Variants in DNAJB13 observed in about 807,000 individuals in gnomAD.
The protein encoded by DNAJB13 is DnaJ heat shock protein family (Hsp40) member B13, also known as dnaJ homolog subfamily B member 13.
In DNAJB13, 22 loss-of-function variants were observed where a neutral mutation model predicts 35.6. The observed-to-expected ratio is 0.62, with a 90% CI of 0.44 to 0.88. The LOEUF (loss-of-function observed/expected upper bound fraction) is 0.88. Ranked by LOEUF, DNAJB13 falls within the 40% of genes least tolerant of loss-of-function variation. The pLI, the probability that DNAJB13 is intolerant of heterozygous loss-of-function variation, is 0.00. For synonymous variants in DNAJB13, 136 were observed against 144.2 expected, an observed-to-expected ratio of 0.94 and a Z score of 0.41; for missense variants, 370 against 384.3, an observed-to-expected ratio of 0.96 and a Z score of 0.31.
intron 5 of DNAJB13, 115 bp downstream of exon 5, chr11:73,966,366 C>T (rs1951116216): frequency 1.1e-6 from 1 of 929,198 alleles, no homozygotes; most frequent in African/African-American, 1.6e-5. Context: ...GAGCCTTGGT[C>T]TGTAGAGAGC....
intron 1 of DNAJB13, among the ~76,000 whole-genome samples, chr11:73,956,342 A>G (rs1191610770): frequency 2.0e-5 from 3 of 152,154 alleles, no homozygotes; most frequent in Admixed American, 6.6e-5. Context: ...GGAGCTGCAG[A>G]GGGGTGAGTC....
chr11:73,958,855 C>T (rs990790232), intron 2 of DNAJB13, among the ~76,000 whole-genome samples: 1 of 152,138 alleles, frequency 6.6e-6, no homozygotes, highest in African/African-American at 2.4e-5. Context: ...TAGGAAGAGG[C>T]AGAGAAAGGC....
In DNAJB13 at chr11:73,970,161, C is replaced by A. The variant is rs777491630; in HGVS notation, c.*47C>A. 3.9e-6 allele frequency: 6 copies of A among 1,535,378 alleles called. No homozygotes were observed. The Admixed American group carries it at 5.6e-5, about 14-fold the overall frequency. ...GTGAGAGGAGGCTAGCCGGGCCTCA[C>A]CCCACCCCTACCCGCCACAGCCTCA... On this transcript the variant is annotated 3_prime_UTR_variant, in exon 8 of 8. Transcript: ENST00000339764.
chr11:73,967,285 C>T (rs1373757457), intron 5 of DNAJB13, among the ~76,000 whole-genome samples: 1 of 152,134 alleles, frequency 6.6e-6, no homozygotes, highest in Non-Finnish European at 1.5e-5. Context: ...TGTGAGCCAC[C>T]GTGCCTGGCC....
intron 3 of DNAJB13, among the ~76,000 whole-genome samples, chr11:73,963,471 C>A (rs963172804): frequency 6.6e-6 from 1 of 152,210 alleles, no homozygotes; most frequent in African/African-American, 2.4e-5. Flanking sequence ...GGGCATCGCT[C>A]ATTGGGAAAG....
intron 1 of DNAJB13, 85 bp from the exon 2 acceptor site, chr11:73,958,232 G>C: frequency 2.2e-6 from 3 of 1,375,362 alleles, no homozygotes; most frequent in Non-Finnish European, 3.1e-6. Context: ...CTAGGCAGGA[G>C]TGAACAGAGT....
In DNAJB13 at chr11:73,968,356, C is replaced by T. The variant is rs536917916; in HGVS notation, c.618C>T (p.Ile206=). The part of the protein sequence containing the change: ...FEKEGDQGPN[I]IPADIIFIVK... The stretch of plus-strand genomic sequence containing the variant: ...CGTCCCCTGCCCAGGGCCCCAACAT[C>T]ATCCCAGCAGACATCATTTTCATCG... Residue 206 remains isoleucine (I), a synonymous_variant, in exon 6 of 8, where the codon ATC becomes ATT. Transcript: ENST00000339764. The T allele has an allele frequency of 4.3e-6, 7 of 1,614,178 alleles. No individual in the cohort carries two copies. The Admixed American group carries it at 5.0e-5, about 12-fold the overall frequency.
intron 3 of DNAJB13, among the ~76,000 whole-genome samples, chr11:73,961,326 G>A (rs183089438): frequency 6.3e-4 from 96 of 152,220 alleles, no homozygotes; most frequent in African/African-American, 2.1e-3. Flanking sequence ...GAAAGGCCTG[G>A]GTGAGAAGGC....
intron 3 of DNAJB13, among the ~76,000 whole-genome samples, chr11:73,963,194 A>C (rs992981185): frequency 1.3e-5 from 2 of 151,982 alleles, no homozygotes; most frequent in African/African-American, 4.8e-5. Context: ...AAACAAAAAA[A>C]CAAAGCCAGG....
At chr11:73,955,404 G>A (rs373107853) in intron 1 of DNAJB13, among the ~76,000 whole-genome samples, 7 of 151,552 alleles carry the variant, frequency 4.6e-5, no homozygotes, top group Admixed American at 2.0e-4. Flanking sequence ...CACCTTCTAG[G>A]TTCAAGTGAT....
At chr11:73,966,028 T>C in intron 4 of DNAJB13, 110 bp from the exon 5 acceptor site, 2 of 969,542 alleles carry the variant, frequency 2.1e-6, no homozygotes, top group South Asian at 2.9e-5. Context: ...CCATAGAGCA[T>C]CTTTCACGTG....
chr11:73,958,251 T>G, intron 1 of DNAJB13, 66 bp from the exon 2 acceptor site: 1 of 1,536,020 alleles, frequency 6.5e-7, no homozygotes, highest in Non-Finnish European at 9.0e-7. Flanking sequence ...GTGCCGGCTC[T>G]GAACTCTGGT....
chr11:73,958,259 G>T (rs746415739), intron 1 of DNAJB13, 58 bp from the exon 2 acceptor site: 1 of 1,568,552 alleles, frequency 6.4e-7, no homozygotes. Flanking sequence ...TCTGAACTCT[G>T]GTCCGCCCTC....
Position 73,958,421 on chromosome 11 carries a change from G to A in DNAJB13, c.172+1G>A. 3 of 1,613,616 alleles carry A rather than the reference G, an allele frequency of 1.9e-6. No individual in the cohort carries two copies. The highest frequency in any genetic ancestry group is 2.2e-5 in the East Asian group (1 of 44,870). ...GAGGCCTACGACGTGCTGAGTGACC[G>A]TGAGTAGGTGTGGGGCTGAGCACCC... On this transcript the variant is annotated splice_donor_variant, in intron 2 of 7. Transcript: ENST00000339764. LOFTEE classifies it high-confidence loss of function.
intron 3 of DNAJB13, 39 bp from the exon 4 acceptor site, chr11:73,964,839 G>A: frequency 1.3e-6 from 2 of 1,583,440 alleles, no homozygotes; most frequent in African/African-American, 1.4e-5. Context: ...CTGGGTCTCT[G>A]GATACAATTT....
At chr11:73,966,325 G>C in intron 5 of DNAJB13, 74 bp downstream of exon 5, 1 of 1,402,446 alleles carries the variant, frequency 7.1e-7, no homozygotes, top group South Asian at 1.2e-5. Context: ...GAAAGGAAGG[G>C]AAAGGAGGCA....
At chr11:73,956,803 C>CAAG (rs1950755027) in intron 1 of DNAJB13, among the ~76,000 whole-genome samples, 1 of 75,892 alleles carries the variant, frequency 1.3e-5, no homozygotes, top group Non-Finnish European at 2.8e-5. Flanking sequence ...AACTCCATCT[C>CAAG]AAAAAAAAAA....
intron 3 of DNAJB13, among the ~76,000 whole-genome samples, chr11:73,961,190 G>C (rs1425517251): frequency 2.0e-5 from 3 of 152,152 alleles, no homozygotes; most frequent in Non-Finnish European, 4.4e-5. Flanking sequence ...TGAGGTGGGA[G>C]AATCGCCTGA....
At chr11:73,966,998 A>T (rs1449575197) in intron 5 of DNAJB13, among the ~76,000 whole-genome samples, 1 of 152,076 alleles carries the variant, frequency 6.6e-6, no homozygotes, top group African/African-American at 2.4e-5. Flanking sequence ...GATTGCAGGC[A>T]TGCACCACCA....
Sources: gnomAD v4.1 joint callset for allele counts (sites outside exome capture counted in the v4.1 genomes callset) on GRCh38, gnomAD v4.1.1 for gene constraint, MANE v1.5 for transcripts, NCBI Gene and HGNC (gene_info 2026-07-23, HGNC 2026-07-21) for gene names.